The following EML1 variants were observed in gnomAD, a reference collection of about 807,000 sequenced individuals.
EML1 encodes the protein echinoderm microtubule-associated protein-like 1.
EML1 carries 27 observed loss-of-function variants against 110.4 expected under a neutral mutation model. The observed-to-expected ratio is 0.24, with a 90% CI of 0.18 to 0.34. EML1 has a LOEUF of 0.34. Among genes scored for constraint, EML1 ranks in the 10% least tolerant of loss-of-function variants. The pLI, the probability that EML1 is intolerant of heterozygous loss-of-function variation, is 1.00. For synonymous variants in EML1, 344 were observed against 385.8 expected, an observed-to-expected ratio of 0.89 and a Z score of 1.27; for missense variants, 741 against 1,030.9, an observed-to-expected ratio of 0.72 and a Z score of 3.85.
chr14:99,886,923 G>A (rs2059486638), intron 4 of EML1, among the ~76,000 whole-genome samples: 1 of 152,214 alleles, frequency 6.6e-6, no homozygotes, highest in Non-Finnish European at 1.5e-5. Context: ...ACCACTCTTA[G>A]ACCATCCCTG....
intron 1 of EML1, among the ~76,000 whole-genome samples, chr14:99,775,212 A>T (rs2057469108): frequency 6.6e-6 from 1 of 152,188 alleles, no homozygotes; most frequent in Non-Finnish European, 1.5e-5. Flanking sequence ...CTGTTTCCTA[A>T]TTACAGAGCA....
At chr14:99,880,489 A>G (rs904250959) in intron 4 of EML1, among the ~76,000 whole-genome samples, 3 of 151,882 alleles carry the variant, frequency 2.0e-5, no homozygotes, top group African/African-American at 7.3e-5. Flanking sequence ...GAGAAATGCC[A>G]CCCTCGAGGA....
chr14:99,833,225 A>T (rs187587442), intron 1 of EML1, among the ~76,000 whole-genome samples: 8 of 152,196 alleles, frequency 5.3e-5, no homozygotes, highest in Non-Finnish European at 4.4e-5. Flanking sequence ...GTGTGTGGGT[A>T]TGGATATGCA....
chr14:99,777,767 G>C (rs749373502), intron 1 of EML1, among the ~76,000 whole-genome samples: 4 of 152,108 alleles, frequency 2.6e-5, no homozygotes, highest in Non-Finnish European at 5.9e-5. Context: ...CTTCCTGACT[G>C]TCCAAGTCCA....
At chr14:99,881,681 G>GC (rs1434389022) in intron 4 of EML1, among the ~76,000 whole-genome samples, 1 of 151,012 alleles carries the variant, frequency 6.6e-6, no homozygotes, top group East Asian at 2.0e-4. Flanking sequence ...GGTCACTGCA[G>GC]CCTCTGCCTC....
intron 2 of EML1, 135 bp downstream of exon 2, chr14:99,851,170 G>A (rs2058792297): frequency 2.0e-6 from 2 of 982,642 alleles, no homozygotes; most frequent in Admixed American, 5.4e-5. Context: ...TCTTAGCACT[G>A]TCAACATAAT....
chr14:99,739,661 A>T (rs2057020097), intron 1 of EML1, among the ~76,000 whole-genome samples: 1 of 152,136 alleles, frequency 6.6e-6, no homozygotes, highest in Admixed American at 6.5e-5. Context: ...TGTCTCTAAT[A>T]TGTGGGTTTG....
chr14:99,743,473 C>T lies in EML1; in HGVS notation c.28+5613C>T, dbSNP rs147735471. Among the ~76,000 whole-genome samples, 347 of 152,280 alleles carry T rather than the reference C, an allele frequency of 2.3e-3. 2 individuals are homozygous for T. The highest frequency in any genetic ancestry group is 8.0e-3 in the African/African-American group (331 of 41,548). On this transcript the variant is annotated intron_variant, in intron 1 of 10. Transcript: ENST00000554479. ...GGATGTTGTTAGGCATGTCCAGGTG[C>T]GGCTGGATCCTTCAGTACTGTGCGA...
intron 1 of EML1, among the ~76,000 whole-genome samples, chr14:99,757,174 T>C (rs538256336): frequency 2.0e-5 from 3 of 152,124 alleles, no homozygotes; most frequent in Non-Finnish European, 4.4e-5. Context: ...ACCGCATCTC[T>C]ACTAAAAATA....
chr14:99,759,276 C>A (rs1233171789), intron 1 of EML1, among the ~76,000 whole-genome samples: 40 of 152,238 alleles, frequency 2.6e-4, no homozygotes, highest in Admixed American at 2.6e-3. Context: ...TCCACAAGGC[C>A]AGGCTGGGCA....
intron 15 of EML1, among the ~76,000 whole-genome samples, chr14:99,915,935 T>C (rs1292292287): frequency 1.3e-5 from 2 of 152,166 alleles, no homozygotes; most frequent in Non-Finnish European, 2.9e-5. Context: ...ACGGAAGGGG[T>C]GCTGGTCACT....
intron 1 of EML1, among the ~76,000 whole-genome samples, chr14:99,787,774 G>A (rs1259349944): frequency 1.3e-5 from 2 of 150,296 alleles, no homozygotes; most frequent in Non-Finnish European, 2.9e-5. Context: ...TCTCCTCCCT[G>A]TGTCTTCACT....
At chr14:99,851,452 C>T (rs996210100) in intron 2 of EML1, among the ~76,000 whole-genome samples, 41 of 152,242 alleles carry the variant, frequency 2.7e-4, no homozygotes, top group African/African-American at 8.7e-4. Context: ...GGACTACAGG[C>T]GCCCGCCACC....
At position 99,841,928 on chromosome 14, in the gene EML1, C is replaced by A. The variant is rs188328950; in HGVS notation, c.68-8925C>A. On this transcript the variant is annotated intron_variant, in intron 1 of 21. Coordinates refer to ENST00000262233, the MANE Select transcript of EML1 (RefSeq NM_004434.3). ...GCCCAGCCCAACCGGAGCTCCAGTT[C>A]ACACAAAAGTTTTAGAAAACCCAAG... Among the ~76,000 whole-genome samples, 1,294 of 152,240 alleles carry A rather than the reference C, an allele frequency of 8.5e-3. 16 individuals are homozygous for A. Among genetic ancestry groups the A allele is most frequent in the Non-Finnish European group, 0.011 (722 of 68,002 alleles).
At chr14:99,848,869 G>T (rs2058745448) in intron 1 of EML1, among the ~76,000 whole-genome samples, 1 of 151,942 alleles carries the variant, frequency 6.6e-6, no homozygotes, top group East Asian at 1.9e-4. Flanking sequence ...AGGCTGAGGT[G>T]GGAGGATCAC....
chr14:99,793,977 C>T (rs2057721999), intron 1 of EML1, among the ~76,000 whole-genome samples: 1 of 152,138 alleles, frequency 6.6e-6, no homozygotes, highest in South Asian at 2.1e-4. Context: ...ATAACAAAAC[C>T]CTCCTGCGAG....
intron 1 of EML1, among the ~76,000 whole-genome samples, chr14:99,828,316 C>T (rs559855945): frequency 6.6e-6 from 1 of 152,212 alleles, no homozygotes; most frequent in African/African-American, 2.4e-5. Flanking sequence ...AGGATGAAAC[C>T]TTGTGCCGTC....
At chr14:99,811,167 T>G (rs184553438) in intron 1 of EML1, among the ~76,000 whole-genome samples, 3 of 139,830 alleles carry the variant, frequency 2.1e-5, no homozygotes, top group Non-Finnish European at 4.7e-5. Context: ...ATAATAGGGG[T>G]TTTTTTTTTG....
At chr14:99,934,809 C>A (rs114051439) in intron 17 of EML1, among the ~76,000 whole-genome samples, 45 of 152,340 alleles carry the variant, frequency 3.0e-4, no homozygotes, top group African/African-American at 1.1e-3. Flanking sequence ...TCCTGGGCAT[C>A]GTGAGTCCCC....
Sources: gnomAD v4.1 joint callset for allele counts (sites outside exome capture counted in the v4.1 genomes callset) on GRCh38, gnomAD v4.1.1 for gene constraint, MANE v1.5 for transcripts, NCBI Gene and HGNC (gene_info 2026-07-23, HGNC 2026-07-21) for gene names.